Variants in LRRC4B observed in about 807,000 individuals in gnomAD.
LRRC4B encodes leucine-rich repeat-containing protein 4B.
Under a neutral mutation model 7.3 loss-of-function variants are expected in LRRC4B, and 1 was observed. That is an observed-to-expected ratio of 0.14 (90% CI 0.05 to 0.65). The LOEUF is 0.65. LRRC4B is among the 30% of genes least tolerant of loss of function. The pLI is 0.84. For synonymous variants in LRRC4B, 500 were observed against 499.2 expected (o/e 1.00, Z -0.02); for missense variants, 730 against 1,041.6 (o/e 0.70, Z 4.12).
At chr19:50,566,127 G>C (rs1229992840) in intron 1 of LRRC4B, among the ~76,000 whole-genome samples, 1 of 150,508 alleles carries the variant, frequency 6.6e-6, no homozygotes, top group African/African-American at 2.4e-5. Flanking sequence ...CGGAAAGGCA[G>C]GTTAGAAGGC....
intron 1 of LRRC4B, among the ~76,000 whole-genome samples, chr19:50,554,338 G>C (rs1158681892): frequency 6.6e-6 from 1 of 151,890 alleles, no homozygotes; most frequent in East Asian, 1.9e-4. Flanking sequence ...AATGTCCCGG[G>C]TCACCCTCCA....
intron 2 of LRRC4B, among the ~76,000 whole-genome samples, chr19:50,533,591 TCTC>T (rs1981145396): frequency 6.6e-6 from 1 of 152,306 alleles, no homozygotes; most frequent in South Asian, 2.1e-4. Context: ...ATTCTTCTCT[TCTC>T]CTCCCAAATA....
Position 50,518,035 on chromosome 19 carries a change from C to T in LRRC4B, c.1678G>A (p.Val560Met). ...EKAFTVPITDVTENALKDLDD... is the reference protein window; with the variant it reads ...EKAFTVPITDMTENALKDLDD... ...AGGTCCTTGAGGGCGTTCTCCGTCA[C>T]ATCCGTGATGGGCACCGTGAACGCC... is the stretch of plus-strand genomic sequence containing the variant. The change falls in exon 3 of 3, where the codon GTG becomes ATG. Residue 560 changes from valine to methionine, a missense_variant. By Grantham distance (21) the Val-to-Met change is conservative. Around this residue, in one of 6 missense-constraint regions of LRRC4B, gnomAD observed 192 missense variants for 228.6 expected, o/e 0.84. Transcript: ENST00000652263. 1.3e-6 allele frequency: 2 copies of T among 1,563,548 alleles called. No homozygotes were observed. Among genetic ancestry groups the T allele is most frequent in the East Asian group, 2.3e-5 (1 of 44,326 alleles).
chr19:50,549,885 G>T (rs1192519750), intron 1 of LRRC4B, among the ~76,000 whole-genome samples: 1 of 152,166 alleles, frequency 6.6e-6, no homozygotes, highest in African/African-American at 2.4e-5. Flanking sequence ...AGGGAAGGGG[G>T]TCCAGGGACT....
intron 2 of LRRC4B, among the ~76,000 whole-genome samples, chr19:50,535,111 G>A (rs556259635): frequency 1.2e-4 from 19 of 152,134 alleles, no homozygotes; most frequent in Non-Finnish European, 2.5e-4. Flanking sequence ...CTCATGATCT[G>A]CCCGCCTTGG....
At position 50,517,271 on chromosome 19, in the gene LRRC4B, G is replaced by T; in HGVS notation, c.*300C>A. 3.8e-6 allele frequency: 1 copy of T among 260,816 alleles called. No homozygotes were observed. The highest frequency in any genetic ancestry group is 5.5e-5 in the Admixed American group (1 of 18,298). 16.2% of individuals were successfully genotyped at this position (260,816 alleles called of 1,614,324 possible). On this transcript the variant is annotated 3_prime_UTR_variant, in exon 3 of 3. Coordinates refer to ENST00000652263, the MANE Select transcript of LRRC4B (RefSeq NM_001080457.2). The surrounding 1 kb of genome is among the most constrained non-coding windows in gnomAD (Gnocchi z 6.6). ...GGCGGCGGGCCCGGAACGCTTGGTGGGAGAGCGAGGAGGAAACGCGGAGAA... is the reference window on the plus strand; with the variant it reads ...GGCGGCGGGCCCGGAACGCTTGGTGTGAGAGCGAGGAGGAAACGCGGAGAA...
chr19:50,552,676 CCATCCAT>C (rs1568734038), intron 1 of LRRC4B, among the ~76,000 whole-genome samples: 10 of 145,348 alleles, frequency 6.9e-5, no homozygotes, highest in South Asian at 4.8e-4. Flanking sequence ...ATCCATCCAT[CCATCCAT>C]CCATCCGTCC....
At chr19:50,533,674 A>AG (rs1267889278) in intron 2 of LRRC4B, among the ~76,000 whole-genome samples, 2 of 152,164 alleles carry the variant, frequency 1.3e-5, no homozygotes, top group Non-Finnish European at 2.9e-5. Flanking sequence ...ATAAGGTAAA[A>AG]GGGGGGGAAT....
In LRRC4B at chr19:50,531,169, C is replaced by T. The variant is rs773847289; in HGVS notation, c.298-11754G>A. Among the ~76,000 whole-genome samples, 14 of 152,332 alleles carry T rather than the reference C, an allele frequency of 9.2e-5. No homozygotes were observed. The East Asian group carries it at 1.2e-3, about 13-fold the overall frequency. On this transcript the variant is annotated intron_variant, in intron 2 of 2. Coordinates refer to ENST00000652263, the MANE Select transcript of LRRC4B (RefSeq NM_001080457.2). ...ATGCCCACCTCCTGCCTGCAGCTCC[C>T]GGAGCCTCTGCGGCACCCCAGGCTC... is the stretch of plus-strand genomic sequence containing the variant.
intron 2 of LRRC4B, among the ~76,000 whole-genome samples, chr19:50,543,234 G>A (rs963212545): frequency 3.3e-5 from 5 of 152,168 alleles, no homozygotes; most frequent in African/African-American, 1.2e-4. Context: ...AGGTGGCAGC[G>A]CGGCGGGGGA....
chr19:50,551,953 G>A (rs1483700508), intron 1 of LRRC4B, among the ~76,000 whole-genome samples: 3 of 150,406 alleles, frequency 2.0e-5, no homozygotes. Context: ...CGCCGCCTGG[G>A]GGAGGCCTCC....
chr19:50,520,900 A>G (rs1980549568), intron 2 of LRRC4B, among the ~76,000 whole-genome samples: 1 of 152,220 alleles, frequency 6.6e-6, no homozygotes, highest in African/African-American at 2.4e-5. Flanking sequence ...TATTTCCTCA[A>G]GAGAAATGAA....
intron 2 of LRRC4B, among the ~76,000 whole-genome samples, chr19:50,544,534 A>G (rs1193582029): frequency 1.3e-5 from 2 of 151,664 alleles, no homozygotes; most frequent in African/African-American, 2.4e-5. Flanking sequence ...AAAAATATAA[A>G]TAAAAATAAA....
chr19:50,529,990 T>C (rs114556193), intron 2 of LRRC4B, among the ~76,000 whole-genome samples: 1 of 107,790 alleles, frequency 9.3e-6, no homozygotes, highest in African/African-American at 3.6e-5. Flanking sequence ...GGGCCCCCCC[T>C]AGCTCATCCT....
At chr19:50,557,115 C>T (rs1379332366) in intron 1 of LRRC4B, among the ~76,000 whole-genome samples, 2 of 152,054 alleles carry the variant, frequency 1.3e-5, no homozygotes, top group Non-Finnish European at 2.9e-5. Flanking sequence ...CGGCTGGAGC[C>T]ACGGGGATGG....
chr19:50,543,158 G>A (rs970996356), intron 2 of LRRC4B, among the ~76,000 whole-genome samples: 8 of 152,180 alleles, frequency 5.3e-5, no homozygotes, highest in African/African-American at 7.2e-5. Flanking sequence ...CACCTCCTGT[G>A]TGCCAGGCTC....
At chr19:50,554,157 T>C (rs1982196116) in intron 1 of LRRC4B, among the ~76,000 whole-genome samples, 1 of 151,864 alleles carries the variant, frequency 6.6e-6, no homozygotes, top group Non-Finnish European at 1.5e-5. Context: ...CCACCCCGGC[T>C]AATTTTTGTA....
chr19:50,567,045 G>C lies in LRRC4B; in HGVS notation c.-36+899C>G, dbSNP rs369862183. Among the ~76,000 whole-genome samples the C allele has an allele frequency of 5.3e-5, 8 of 151,458 alleles. No homozygotes were observed. In the East Asian group the frequency reaches 1.2e-3, roughly 22 times the overall value. On this transcript the variant is annotated intron_variant, in intron 1 of 2. Transcript: ENST00000652263. ...GGGATTGTCAGAGATGGGGGTTAGA[G>C]AAGGCTGAGGAGCAGATGCCGTGTC...
At chr19:50,566,499 G>A (rs1361672930) in intron 1 of LRRC4B, among the ~76,000 whole-genome samples, 2 of 151,406 alleles carry the variant, frequency 1.3e-5, no homozygotes, top group African/African-American at 2.4e-5. Context: ...GGGCAGGGAG[G>A]AGGGGAGGGC....
Sources: allele counts gnomAD v4.1 joint callset (sites outside exome capture counted in the v4.1 genomes callset), GRCh38; gene constraint gnomAD v4.1.1; regional missense constraint gnomAD v4.1.1; non-coding constraint Gnocchi (gnomAD v3.1); transcripts MANE v1.5; gene names NCBI Gene and HGNC (gene_info 2026-07-23, HGNC 2026-07-21).